TAS2R1: variants seen among roughly 807,000 people sequenced by gnomAD.
TAS2R1 encodes the protein taste 2 receptor member 1.
For synonymous variants in TAS2R1, 141 were observed against 134.2 expected, an observed-to-expected ratio of 1.05 and a Z score of -0.35; for missense variants, 370 against 353.4, an observed-to-expected ratio of 1.05 and a Z score of -0.38.
the TAS2R1 span, among the ~76,000 whole-genome samples, chr5:9,770,639 GTATT>G: frequency 6.6e-6 from 1 of 151,844 alleles, no homozygotes; most frequent in East Asian, 1.9e-4. Flanking sequence ...TAATTCCTAG[GTATT>G]TAATTTCATT....
chr5:9,814,961 A>G, the TAS2R1 span, among the ~76,000 whole-genome samples: 1 of 152,242 alleles, frequency 6.6e-6, no homozygotes, highest in East Asian at 1.9e-4. Context: ...TGAACTATAC[A>G]TCTTAATACA....
chr5:9,712,801 A>G (rs577638778), upstream of TAS2R1, among the ~76,000 whole-genome samples: 22 of 152,148 alleles, frequency 1.4e-4, no homozygotes, highest in African/African-American at 5.3e-4. Flanking sequence ...TATGAAAGGA[A>G]TGTGGGAGGG....
intron 1 of TAS2R1, among the ~76,000 whole-genome samples, chr5:9,669,776 G>T (rs1344571440): frequency 1.3e-5 from 2 of 152,092 alleles, no homozygotes; most frequent in Non-Finnish European, 2.9e-5. Flanking sequence ...TAAGAGGGAA[G>T]TTTACAGCTG....
At chr5:9,695,260 A>G (rs751464065) in intron 1 of TAS2R1, among the ~76,000 whole-genome samples, 9 of 152,210 alleles carry the variant, frequency 5.9e-5, no homozygotes, top group Non-Finnish European at 1.3e-4. Context: ...ATCTTGCTGT[A>G]GTCCTGAGAA....
chr5:9,825,785 A>G, the TAS2R1 span, among the ~76,000 whole-genome samples: 1 of 152,230 alleles, frequency 6.6e-6, no homozygotes, highest in African/African-American at 2.4e-5. Context: ...TCAAATTGTT[A>G]TAAGTTTAGC....
the TAS2R1 span, among the ~76,000 whole-genome samples, chr5:9,795,967 C>G: frequency 1.3e-5 from 2 of 152,200 alleles, no homozygotes; most frequent in African/African-American, 4.8e-5. Flanking sequence ...CTCTCCCTCA[C>G]CGAAACATAC....
At chr5:9,767,863 G>T in the TAS2R1 span, among the ~76,000 whole-genome samples, 9 of 144,466 alleles carry the variant, frequency 6.2e-5, no homozygotes, top group East Asian at 1.9e-3. Context: ...GGCAGAGGTT[G>T]CAGTGAGCTG....
rs899482499 is a variant in TAS2R1 at position 9,628,573 on chromosome 5, G to A, written c.*560C>T. 1.3e-5 allele frequency among the ~76,000 whole-genome samples: 2 copies of A among 152,104 alleles called. No homozygotes were observed. Among genetic ancestry groups the A allele is most frequent in the African/African-American group, 4.8e-5 (2 of 41,410 alleles). Reference sequence around the variant, plus strand: ...GCCTGCTTGTCCTTGCTTCCTTTGTGATCTGAGGAGAAAGAATGGCTCCAC... The same window carrying A: ...GCCTGCTTGTCCTTGCTTCCTTTGTAATCTGAGGAGAAAGAATGGCTCCAC... On this transcript the variant is annotated 3_prime_UTR_variant, in exon 1 of 1. Coordinates refer to ENST00000382492, the MANE Select transcript of TAS2R1 (RefSeq NM_019599.3).
At chr5:9,648,706 G>A (rs1012605445) in intron 2 of TAS2R1, among the ~76,000 whole-genome samples, 1 of 152,026 alleles carries the variant, frequency 6.6e-6, no homozygotes, top group Non-Finnish European at 1.5e-5. Flanking sequence ...GGGGTAGCTA[G>A]GGACGTATAG....
the TAS2R1 span, among the ~76,000 whole-genome samples, chr5:9,887,365 CA>C: frequency 6.6e-6 from 1 of 152,132 alleles, no homozygotes; most frequent in African/African-American, 2.4e-5. Flanking sequence ...AAATGACTTT[CA>C]AATATATCTC....
chr5:9,644,668 T>A (rs2126483587), intron 2 of TAS2R1, among the ~76,000 whole-genome samples: 1 of 152,252 alleles, frequency 6.6e-6, no homozygotes, highest in African/African-American at 2.4e-5. Flanking sequence ...TAGAGGATAT[T>A]GAAAGCCATG....
the TAS2R1 span, among the ~76,000 whole-genome samples, chr5:9,842,903 C>T: frequency 3.3e-5 from 5 of 152,190 alleles, no homozygotes; most frequent in South Asian, 1.0e-3. Context: ...CTTGCCCATA[C>T]AATCTAACAA....
chr5:9,844,242 A>G, the TAS2R1 span, among the ~76,000 whole-genome samples: 1 of 152,202 alleles, frequency 6.6e-6, no homozygotes, highest in Non-Finnish European at 1.5e-5. Context: ...GCCTCTTCCC[A>G]GATTAAAACC....
At chr5:9,856,824 T>G in the TAS2R1 span, among the ~76,000 whole-genome samples, 2 of 152,150 alleles carry the variant, frequency 1.3e-5, no homozygotes, top group African/African-American at 4.8e-5. Flanking sequence ...CAAAGAGATA[T>G]CTGCACTCCC....
At position 9,630,165 on chromosome 5, in the gene TAS2R1, G is replaced by A. The variant is rs1180585962; in HGVS notation, c.-133C>T. 8.6e-6 allele frequency: 6 copies of A among 700,160 alleles called. No individual in the cohort carries two copies. Among genetic ancestry groups the A allele is most frequent in the African/African-American group, 1.8e-5 (1 of 55,684 alleles). The allele number at this position is 700,160 out of a possible 1,614,324, so 43.4% of individuals were successfully genotyped here. ...GACTAACAATAAAGGCATGGGGCAG[G>A]AAGGTGGTGTACATTTGTTTATGTC... On this transcript the variant is annotated 5_prime_UTR_variant, in exon 1 of 1. Coordinates refer to ENST00000382492, the MANE Select transcript of TAS2R1 (RefSeq NM_019599.3).
the TAS2R1 span, among the ~76,000 whole-genome samples, chr5:9,887,804 T>C: frequency 1.3e-5 from 2 of 151,896 alleles, no homozygotes; most frequent in Admixed American, 6.5e-5. Flanking sequence ...AGTGGAAAAA[T>C]AGATGGACAT....
chr5:9,782,153 T>C, the TAS2R1 span, among the ~76,000 whole-genome samples: 1 of 152,236 alleles, frequency 6.6e-6, no homozygotes, highest in Non-Finnish European at 1.5e-5. Flanking sequence ...CCTCTCTTAC[T>C]CAGGCCCCTC....
the TAS2R1 span, among the ~76,000 whole-genome samples, chr5:9,766,360 A>G: frequency 6.6e-6 from 1 of 152,246 alleles, no homozygotes; most frequent in Non-Finnish European, 1.5e-5. Context: ...ATTTTTAACA[A>G]TTTGAAGCTG....
chr5:9,841,031 A>G, the TAS2R1 span, among the ~76,000 whole-genome samples: 1 of 151,990 alleles, frequency 6.6e-6, no homozygotes, highest in East Asian at 1.9e-4. Context: ...CACAAAGCAC[A>G]TAAATCTAGG....
Sources: allele counts gnomAD v4.1 joint callset (sites outside exome capture counted in the v4.1 genomes callset), GRCh38; gene constraint gnomAD v4.1.1; transcripts MANE v1.5; gene names NCBI Gene and HGNC (gene_info 2026-07-23, HGNC 2026-07-21).